DNAH6: variants seen among roughly 807,000 people sequenced by gnomAD.
The protein encoded by DNAH6 is dynein axonemal heavy chain 6, also known as axonemal beta dynein heavy chain 6.
Under a neutral mutation model 491.4 loss-of-function variants are expected in DNAH6, and 340 were observed. The observed-to-expected ratio is 0.69, with a 90% CI of 0.63 to 0.76. The LOEUF is 0.76. DNAH6 is among the 30% of genes least tolerant of loss of function. The probability of loss-of-function intolerance (pLI) is 0.00; values close to 1 mark genes in which losing one functional copy is unlikely to be tolerated. For missense variants in DNAH6, 4,443 were observed against 4,972.2 expected (o/e 0.89, Z 3.20); for synonymous variants, 1,603 against 1,686.1 (o/e 0.95, Z 1.21).
At chr2:84,494,533 A>G in the DNAH6 span, among the ~76,000 whole-genome samples, 1 of 152,228 alleles carries the variant, frequency 6.6e-6, no homozygotes. Context: ...AGAAACTGGA[A>G]GGTTAGGAGG....
At position 84,709,706 on chromosome 2, in the gene DNAH6, T is replaced by TC. The variant is rs571051531; in HGVS notation, c.9252+163dup. ...GAGTGTTAAAGTCCTATAGTCCAAG[T>TC]CCCTCATTTTGTGGATGAGAAAGTA... On this transcript the variant is annotated intron_variant, in intron 55 of 76. Coordinates refer to ENST00000389394, the MANE Select transcript of DNAH6 (RefSeq NM_001370.2). Among the ~76,000 whole-genome samples the TC allele has an allele frequency of 8.5e-5, 13 of 152,204 alleles. No homozygotes were observed. The East Asian group carries it at 2.5e-3, about 29-fold the overall frequency.
intron 11 of DNAH6, among the ~76,000 whole-genome samples, chr2:84,561,148 C>T (rs1387029012): frequency 1.3e-5 from 2 of 152,078 alleles, no homozygotes; most frequent in Admixed American, 6.6e-5. Context: ...TTAATGATTG[C>T]CATTCTAACC....
At chr2:84,506,248 A>T in the DNAH6 span, among the ~76,000 whole-genome samples, 1 of 152,100 alleles carries the variant, frequency 6.6e-6, no homozygotes, top group African/African-American at 2.4e-5. Context: ...GACTTTTTAA[A>T]GATTGCCATT....
intron 22 of DNAH6, among the ~76,000 whole-genome samples, 200 bp downstream of exon 22, chr2:84,612,054 T>TA (rs1686395793): frequency 6.6e-6 from 1 of 152,090 alleles, no homozygotes; most frequent in Non-Finnish European, 1.5e-5. Flanking sequence ...TGGACTTTTT[T>TA]TTATTATTAT....
At chr2:84,756,678 C>A (rs1559004082) in intron 63 of DNAH6, among the ~76,000 whole-genome samples, 1 of 152,150 alleles carries the variant, frequency 6.6e-6, no homozygotes, top group Non-Finnish European at 1.5e-5. Context: ...AGAACCATGC[C>A]CTTTCTCTGG....
chr2:84,706,764 A>G (rs1558938674), intron 52 of DNAH6, 132 bp from the exon 53 acceptor site: 1 of 989,182 alleles, frequency 1.0e-6, no homozygotes. Context: ...TTTTAACTTT[A>G]TGTATCACAT....
At chr2:84,471,172 A>G in the DNAH6 span, among the ~76,000 whole-genome samples, 1 of 152,212 alleles carries the variant, frequency 6.6e-6, no homozygotes, top group Admixed American at 6.5e-5. Flanking sequence ...CTTTTTCCCA[A>G]CATGCTCCCC....
intron 15 of DNAH6, among the ~76,000 whole-genome samples, chr2:84,587,037 G>A (rs1028368652): frequency 6.6e-6 from 1 of 151,710 alleles, no homozygotes; most frequent in Admixed American, 6.6e-5. Context: ...TTGCTGCATA[G>A]GTTATTTTGT....
chr2:84,777,833 G>A, intron 64 of DNAH6: 1 of 1,200,616 alleles, frequency 8.3e-7, no homozygotes, highest in South Asian at 1.2e-5. Context: ...GATATCCACT[G>A]GATTTGAAAC....
At chr2:84,598,771 C>A (rs1348524621) in intron 18 of DNAH6, among the ~76,000 whole-genome samples, 1 of 152,128 alleles carries the variant, frequency 6.6e-6, no homozygotes, top group Non-Finnish European at 1.5e-5. Context: ...GTGGCTCATG[C>A]CTATAATCCC....
rs759392156 is a variant in DNAH6, at chr2:84,718,215, G to A, written c.9623G>A (p.Arg3208Gln). 3.9e-5 allele frequency: 59 copies of A among 1,530,710 alleles called. No individual in the cohort carries two copies. The Admixed American group carries it at 8.7e-4, about 23-fold the overall frequency. The allele number at this position is 1,530,710 out of a possible 1,614,324, so 94.8% of individuals were successfully genotyped here. ...AACTTTGGTTTTAGTGATGTGGTGC[G>A]ACTTGAAAAACCCAGGTTGGAAGAA... ...LEDQLLSDVVRLEKPRLEEQR... is the reference protein window; with the variant it reads ...LEDQLLSDVVQLEKPRLEEQR... The change falls in exon 59 of 77, where the codon CGA becomes CAA. Residue 3208 changes from arginine (R) to glutamine (Q), a missense_variant. Arg to Gln is a conservative substitution (Grantham distance 43). Coordinates refer to ENST00000389394, the MANE Select transcript of DNAH6 (RefSeq NM_001370.2).
At chr2:84,720,267 C>CTTTTTTT (rs56944137) in intron 59 of DNAH6, among the ~76,000 whole-genome samples, 2 of 49,524 alleles carry the variant, frequency 4.0e-5, no homozygotes, top group South Asian at 1.3e-3. Flanking sequence ...AAGAGTGCTT[C>CTTTTTTT]TTTTTTTTTT....
In DNAH6 at chr2:84,579,622, A is replaced by T; in HGVS notation, c.2172A>T (p.Pro724=). ...CAGAGTATAAACTTGAGTTTGTTCCAACTACTACCACAGAATATGTTCATA... is the reference window on the plus strand; with the variant it reads ...CAGAGTATAAACTTGAGTTTGTTCCTACTACTACCACAGAATATGTTCATA... The part of the protein sequence containing the change: ...QDAEYKLEFV[P]TTTTEYVHSL... The change falls in exon 14 of 77, where the codon CCA becomes CCT. Residue 724 remains proline, a synonymous_variant. Transcript: ENST00000389394. The T allele has an allele frequency of 6.2e-7, 1 of 1,611,488 alleles. No individual in the cohort carries two copies. Among genetic ancestry groups the T allele is most frequent in the Non-Finnish European group, 8.5e-7 (1 of 1,179,250 alleles).
At position 84,619,827 on chromosome 2, in the gene DNAH6, A is replaced by T. The variant is rs1411239119; in HGVS notation, c.3715A>T (p.Ile1239Phe). 3 of 1,551,400 alleles carry T rather than the reference A, an allele frequency of 1.9e-6. No homozygotes were observed. Among genetic ancestry groups the T allele is most frequent in the African/African-American group, 1.4e-5 (1 of 73,028 alleles). The change falls in exon 24 of 77, where the codon ATT (isoleucine) becomes TTT (phenylalanine). Residue 1239 changes from isoleucine to phenylalanine, a missense_variant. By Grantham distance (21) the Ile-to-Phe change is conservative (BLOSUM62 0). Transcript: ENST00000389394. Reference sequence around the variant, plus strand: ...TCTCATGCCTCCTGCCGAAGGAAAGATTCCTGGTATTGATGGAGAACCAGA... The same window carrying T: ...TCTCATGCCTCCTGCCGAAGGAAAGTTTCCTGGTATTGATGGAGAACCAGA... Reference protein sequence around the residue: ...FALMPPAEGKIPGIDGEPEKV... With the variant: ...FALMPPAEGKFPGIDGEPEKV...
intron 8 of DNAH6, among the ~76,000 whole-genome samples, chr2:84,548,734 C>A (rs1558695171): frequency 1.3e-5 from 2 of 152,186 alleles, no homozygotes; most frequent in Non-Finnish European, 2.9e-5. Flanking sequence ...ACCCCCTTTT[C>A]AAACTGCCAC....
intron 57 of DNAH6, among the ~76,000 whole-genome samples, chr2:84,713,690 T>C (rs1697262196): frequency 6.6e-6 from 1 of 152,190 alleles, no homozygotes; most frequent in Non-Finnish European, 1.5e-5. Flanking sequence ...TGAGAGTCCA[T>C]GGGGCTGGGG....
chr2:84,805,838 G>A, intron 71 of DNAH6, 44 bp downstream of exon 71: 1 of 1,517,462 alleles, frequency 6.6e-7, no homozygotes, highest in South Asian at 1.3e-5. Context: ...GGAATTTTAG[G>A]AATAAACTCA....
At chr2:84,640,081 C>A (rs1244287383) in intron 31 of DNAH6, among the ~76,000 whole-genome samples, 1 of 152,124 alleles carries the variant, frequency 6.6e-6, no homozygotes, top group Admixed American at 6.6e-5. Context: ...CAGAGAAGCT[C>A]AGTTCTTGCT....
chr2:84,793,995 C>T (rs916137467), intron 68 of DNAH6, among the ~76,000 whole-genome samples: 1 of 152,118 alleles, frequency 6.6e-6, no homozygotes, highest in African/African-American at 2.4e-5. Flanking sequence ...ATCAATGGAA[C>T]AGAACAGAGC....
Sources: gnomAD v4.1 joint callset for allele counts (sites outside exome capture counted in the v4.1 genomes callset) on GRCh38, gnomAD v4.1.1 for gene constraint, MANE v1.5 for transcripts, NCBI Gene and HGNC (gene_info 2026-07-23, HGNC 2026-07-21) for gene names.